ENOX1: variants seen among roughly 807,000 people sequenced by gnomAD.
ENOX1 encodes candidate growth-related and time keeping constitutive hydroquinone (NADH) oxidase.
ENOX1 carries 42 observed loss-of-function variants against 82.5 expected under a neutral mutation model. The ratio of observed to expected loss-of-function variants is 0.51; its 90% confidence interval spans 0.40 to 0.66. The LOEUF is 0.66. Among genes scored for constraint, ENOX1 ranks in the 30% least tolerant of loss-of-function variants. The pLI is 0.00. For synonymous variants in ENOX1, 271 were observed against 282.2 expected (o/e 0.96, Z 0.40); for missense variants, 608 against 811.6 (o/e 0.75, Z 3.05).
At chr13:43,549,629 TTTACCA>T (rs2079105444) in intron 2 of ENOX1, among the ~76,000 whole-genome samples, 1 of 152,204 alleles carries the variant, frequency 6.6e-6, no homozygotes, top group Non-Finnish European at 1.5e-5. Context: ...ATTGCTGAAA[TTTACCA>T]TTACTTAAAA....
intron 3 of ENOX1, among the ~76,000 whole-genome samples, chr13:43,415,232 G>GTTTTTTTTTTTTTTTTT (rs71202260): frequency 1.8e-5 from 1 of 54,634 alleles, no homozygotes; most frequent in Non-Finnish European, 3.1e-5. Flanking sequence ...CCAATCCAAT[G>GTTTTTTTTTTTTTTTTT]TTTTTTTTTT....
chr13:43,335,535 A>C (rs2048650470), intron 9 of ENOX1, among the ~76,000 whole-genome samples: 1 of 152,176 alleles, frequency 6.6e-6, no homozygotes, highest in South Asian at 2.1e-4. Context: ...GCTAGAGTCC[A>C]GTCCTAGACC....
intron 1 of ENOX1, among the ~76,000 whole-genome samples, chr13:43,682,145 A>G (rs2085821924): frequency 6.6e-6 from 1 of 152,112 alleles, no homozygotes; most frequent in African/African-American, 2.4e-5. Context: ...AAGTATAAGG[A>G]TCTGGATAAA....
chr13:43,289,422 T>C (rs1031341851), intron 12 of ENOX1, among the ~76,000 whole-genome samples: 10 of 151,946 alleles, frequency 6.6e-5, no homozygotes, highest in African/African-American at 2.4e-4. Context: ...AGATACACAC[T>C]TAACAACCAT....
chr13:43,511,062 A>ATGAAC (rs2077349960), intron 2 of ENOX1, among the ~76,000 whole-genome samples: 1 of 152,094 alleles, frequency 6.6e-6, no homozygotes, highest in Non-Finnish European at 1.5e-5. Context: ...TTCATGAACT[A>ATGAAC]TTCTTCTACA....
intron 5 of ENOX1, among the ~76,000 whole-genome samples, chr13:43,390,971 C>G (rs2052738638): frequency 6.6e-6 from 1 of 152,128 alleles, no homozygotes; most frequent in Non-Finnish European, 1.5e-5. Flanking sequence ...TTTCTTTGTG[C>G]AGCCCTTTTG....
At chr13:43,759,342 C>A (rs1314011115) in intron 1 of ENOX1, among the ~76,000 whole-genome samples, 1 of 152,146 alleles carries the variant, frequency 6.6e-6, no homozygotes, top group Non-Finnish European at 1.5e-5. Flanking sequence ...AAGTGATCCA[C>A]CTGCCTCAGC....
intron 2 of ENOX1, among the ~76,000 whole-genome samples, chr13:43,599,932 T>C (rs528282784): frequency 2.0e-5 from 3 of 151,898 alleles, no homozygotes; most frequent in East Asian, 3.9e-4. Context: ...TCTAGACACA[T>C]TCTGGGCCAG....
intron 2 of ENOX1, among the ~76,000 whole-genome samples, chr13:43,493,972 C>T (rs2076708979): frequency 6.6e-6 from 1 of 152,148 alleles, no homozygotes; most frequent in Admixed American, 6.5e-5. Context: ...GCATCTTCTT[C>T]ACAAGGTGCA....
chr13:43,270,574 G>A (rs1171852952), intron 12 of ENOX1, among the ~76,000 whole-genome samples: 3 of 152,158 alleles, frequency 2.0e-5, no homozygotes, highest in Non-Finnish European at 4.4e-5. Flanking sequence ...AGAAACACTG[G>A]CACTGGATTT....
intron 1 of ENOX1, among the ~76,000 whole-genome samples, chr13:43,688,622 C>T (rs1280009302): frequency 1.3e-5 from 2 of 152,188 alleles, no homozygotes; most frequent in South Asian, 2.1e-4. Context: ...AGGCCAAATT[C>T]GACCCAAGGC....
intron 1 of ENOX1, among the ~76,000 whole-genome samples, chr13:43,765,420 G>C (rs992133748): frequency 1.3e-5 from 2 of 152,066 alleles, no homozygotes; most frequent in Non-Finnish European, 2.9e-5. Context: ...TCCACCTGGA[G>C]AGCCCCTTGG....
Position 43,361,574 on chromosome 13 carries a change from A to G in ENOX1, c.209-122T>C, listed in dbSNP as rs533998407. On this transcript the variant is annotated intron_variant, in intron 5 of 16. Transcript: ENST00000690772. ...CTATTTTTCAGGAATTTCTCCTGGC[A>G]TAAGATATAATATTATAGAAAGCTA... is the stretch of plus-strand genomic sequence containing the variant. 2.6e-5 allele frequency: 22 copies of G among 853,164 alleles called. No individual in the cohort carries two copies. The African/African-American group carries it at 2.8e-4, about 11-fold the overall frequency. The allele number at this position is 853,164 out of a possible 1,614,324, so 52.8% of individuals were successfully genotyped here. A position where few individuals can be genotyped will look rare whatever the true frequency, so the allele number is the denominator to read the frequency against.
At chr13:43,643,234 T>A (rs1038464665) in intron 2 of ENOX1, among the ~76,000 whole-genome samples, 7 of 152,176 alleles carry the variant, frequency 4.6e-5, no homozygotes, top group Middle Eastern at 3.4e-3. Context: ...AGGTACATAG[T>A]GTTTGTGTTC....
At chr13:43,424,307 C>T (rs1303511411) in intron 3 of ENOX1, among the ~76,000 whole-genome samples, 1 of 152,152 alleles carries the variant, frequency 6.6e-6, no homozygotes, top group Non-Finnish European at 1.5e-5. Context: ...TACACCTTGA[C>T]CCAACCGTGG....
intron 2 of ENOX1, among the ~76,000 whole-genome samples, chr13:43,530,595 T>C (rs2078170201): frequency 6.6e-6 from 1 of 152,076 alleles, no homozygotes; most frequent in African/African-American, 2.4e-5. Flanking sequence ...ATAAACCAGG[T>C]TGAGAATGAT....
chr13:43,276,963 G>T (rs1490097174), intron 12 of ENOX1, among the ~76,000 whole-genome samples: 1 of 152,108 alleles, frequency 6.6e-6, no homozygotes, highest in Non-Finnish European at 1.5e-5. Flanking sequence ...TTACACTAAG[G>T]CATGAGGGTA....
intron 3 of ENOX1, among the ~76,000 whole-genome samples, chr13:43,455,962 TC>T (rs1031416511): frequency 6.6e-6 from 1 of 152,208 alleles, no homozygotes; most frequent in African/African-American, 2.4e-5. Flanking sequence ...AATTACTCAA[TC>T]TTGGGTGTGT....
At chr13:43,728,364 G>A (rs1389474977) in intron 1 of ENOX1, among the ~76,000 whole-genome samples, 1 of 152,078 alleles carries the variant, frequency 6.6e-6, no homozygotes, top group Non-Finnish European at 1.5e-5. Context: ...GATTTTGAGG[G>A]GAGAAAAAAC....
Sources: allele counts gnomAD v4.1 joint callset (sites outside exome capture counted in the v4.1 genomes callset), GRCh38; gene constraint gnomAD v4.1.1; transcripts MANE v1.5; gene names NCBI Gene and HGNC (gene_info 2026-07-23, HGNC 2026-07-21).